Variants in EML2 observed in about 807,000 individuals in gnomAD.
The protein encoded by EML2 is EMAP like 2, also known as echinoderm microtubule-associated protein-like 2.
A neutral mutation model predicts 84.7 loss-of-function variants in EML2; 59 were observed. That is an observed-to-expected ratio of 0.70 (90% CI 0.56 to 0.86). EML2 has a LOEUF of 0.86. EML2 is among the 40% of genes least tolerant of loss of function. EML2 has a pLI of 0.00. For missense variants in EML2, 818 were observed against 855.6 expected (o/e 0.96, Z 0.55); for synonymous variants, 352 against 348.9 (o/e 1.01, Z -0.10).
intron 18 of EML2, among the ~76,000 whole-genome samples, chr19:45,611,901 C>G (rs190210171): frequency 5.3e-5 from 8 of 152,002 alleles, no homozygotes; most frequent in African/African-American, 1.4e-4. Flanking sequence ...TATGACGGAG[C>G]CTTGCTGTCG....
chr19:45,637,470 A>ATTTTTTTTT (rs66503218), intron 3 of EML2, among the ~76,000 whole-genome samples: 1 of 101,656 alleles, frequency 9.8e-6, no homozygotes, highest in African/African-American at 4.0e-5. Context: ...ATTATTTTGG[A>ATTTTTTTTT]TTTTTTTTTT....
chr19:45,615,075 G>C (rs1323231424), intron 16 of EML2: 13 of 196,234 alleles, frequency 6.6e-5, no homozygotes, highest in Admixed American at 3.5e-4. Flanking sequence ...GGTGGCTCAT[G>C]CCTGTAATCC....
In EML2 at chr19:45,624,764, C is replaced by T. The variant is rs754461715; in HGVS notation, c.796G>A (p.Val266Met). The T allele has an allele frequency of 1.1e-5, 18 of 1,613,828 alleles. No individual in the cohort carries two copies. Among genetic ancestry groups the T allele is most frequent in the South Asian group, 3.3e-5 (3 of 91,060 alleles). ...LCVTFLEGGD[V>M]VTGDSGGNLY... The stretch of plus-strand genomic sequence containing the variant: ...TTCCCCCCAGAGTCCCCCGTGACCA[C>T]GTCGCCACCTTCCAAAAAGGTCACA... The change falls in exon 9 of 19, where the codon GTG (valine) becomes ATG (methionine). Residue 266 changes from valine (V) to methionine (M), a missense_variant. Physicochemically the swap from Val to Met is conservative, Grantham distance 21. Coordinates refer to ENST00000245925, the MANE Select transcript of EML2 (RefSeq NM_012155.4).
At chr19:45,612,281 T>C (rs1970575043) in intron 18 of EML2, among the ~76,000 whole-genome samples, 1 of 152,058 alleles carries the variant, frequency 6.6e-6, no homozygotes, top group Non-Finnish European at 1.5e-5. Context: ...GTCAGGCTGG[T>C]CTCAAACTCC....
intron 9 of EML2, among the ~76,000 whole-genome samples, chr19:45,622,728 A>G (rs1971851845): frequency 6.6e-6 from 1 of 152,046 alleles, no homozygotes. Flanking sequence ...ATGGCACCCA[A>G]TCTAATAAAG....
intron 18 of EML2, among the ~76,000 whole-genome samples, chr19:45,611,962 C>T (rs1425184611): frequency 2.6e-5 from 4 of 152,024 alleles, no homozygotes; most frequent in Non-Finnish European, 5.9e-5. Flanking sequence ...GCCTCTGCCT[C>T]CCGGGTTCAG....
At chr19:45,639,512 C>A (rs73570969), upstream of EML2, 2 of 889,900 alleles carry the variant, frequency 2.2e-6, no homozygotes, top group African/African-American at 3.5e-5. Context: ...AGGGTCCCAC[C>A]GGGTCACACA....
rs759926410 is a variant in EML2, at chr19:45,621,240, G to C, written c.1089C>G (p.Gly363=). The change falls in exon 11 of 19, where the codon GGC becomes GGG. Residue 363 remains glycine (G), a synonymous_variant. Coordinates refer to ENST00000245925, the MANE Select transcript of EML2 (RefSeq NM_012155.4). Reference sequence around the variant, plus strand: ...GCAGTGAGAAGCCTGTGTGCACGGAGCCCTGCAGGATGGAATTGCGGGTGG... The same window carrying C: ...GCAGTGAGAAGCCTGTGTGCACGGACCCCTGCAGGATGGAATTGCGGGTGG... ...VGTTRNSILQ[G]SVHTGFSLLV... 6.2e-7 allele frequency: 1 copy of C among 1,614,012 alleles called. No homozygotes were observed. The highest frequency in any genetic ancestry group is 8.5e-7 in the Non-Finnish European group (1 of 1,180,010).
At chr19:45,620,909 G>T (rs566576927) in intron 11 of EML2, 1 of 486,812 alleles carries the variant, frequency 2.1e-6, no homozygotes, top group East Asian at 4.9e-5. Flanking sequence ...TGTGGCCAGG[G>T]TGTCTGCAGC....
chr19:45,616,042 G>A (rs1285938676), intron 15 of EML2, 153 bp from the exon 16 acceptor site: 7 of 654,030 alleles, frequency 1.1e-5, no homozygotes, highest in African/African-American at 5.4e-5. Flanking sequence ...TTGGAGTATG[G>A]GGGCAGGGCC....
At chr19:45,624,857 T>C in intron 8 of EML2, 39 bp from the exon 9 acceptor site, 1 of 1,478,796 alleles carries the variant, frequency 6.8e-7, no homozygotes, top group Non-Finnish European at 9.3e-7. Flanking sequence ...AGAGCGTCAC[T>C]GAAGCAGGTA....
chr19:45,621,766 A>G, intron 9 of EML2, 129 bp from the exon 10 acceptor site: 1 of 964,350 alleles, frequency 1.0e-6, no homozygotes, highest in Admixed American at 2.8e-5. Context: ...TTTTTTTTTG[A>G]GACGGAGTCT....
intron 17 of EML2, among the ~76,000 whole-genome samples, chr19:45,614,016 C>T (rs961245600): frequency 2.6e-5 from 4 of 152,198 alleles, no homozygotes; most frequent in South Asian, 2.1e-4. Context: ...TTCTGTGTCA[C>T]GCGTGGGCTT....
At chr19:45,629,622 C>A (rs78639147) in intron 7 of EML2, among the ~76,000 whole-genome samples, 2 of 147,398 alleles carry the variant, frequency 1.4e-5, no homozygotes, top group Admixed American at 6.7e-5. Flanking sequence ...CCGTGCCCGG[C>A]CTTTTTTTTT....
chr19:45,638,846 C>G lies in EML2; in HGVS notation c.48G>C (p.Val16=). 1 of 1,613,792 alleles carries G rather than the reference C, an allele frequency of 6.2e-7. No individual in the cohort carries two copies. The highest frequency in any genetic ancestry group is 1.3e-5 in the African/African-American group (1 of 74,954). ...GCCCTTCCCCATCTCCCCACTCACC[C>G]ACACTGAAGATAACTTCTTTGGTTT... ...AGKTKEVIFS[V]EDGSVKMFLR... is the part of the protein sequence containing the mutation. The change falls in exon 2 of 19, where the codon GTG becomes GTC. Residue 16 remains valine (V), a splice_region_variant and synonymous_variant. Coordinates refer to ENST00000245925, the MANE Select transcript of EML2 (RefSeq NM_012155.4).
At chr19:45,618,894 C>A (rs758235546) in intron 12 of EML2, 166 bp downstream of exon 12, 1 of 675,044 alleles carries the variant, frequency 1.5e-6, no homozygotes, top group South Asian at 3.0e-5. Context: ...TTGCAGTGAG[C>A]CGAGATCGTG....
At chr19:45,642,536 C>G, upstream of EML2, 3 of 1,413,492 alleles carry the variant, frequency 2.1e-6, no homozygotes, top group Non-Finnish European at 2.8e-6. Flanking sequence ...GAAATCCCCA[C>G]AGCTCTCCAA....
intron 6 of EML2, 117 bp downstream of exon 6, chr19:45,632,743 CG>C: frequency 2.4e-6 from 2 of 833,892 alleles, no homozygotes; most frequent in East Asian, 2.7e-5. Flanking sequence ...GTCACAGAGG[CG>C]GGCCACGCCT....
At chr19:45,630,624 T>G (rs1051936390) in intron 6 of EML2, among the ~76,000 whole-genome samples, 1 of 151,702 alleles carries the variant, frequency 6.6e-6, no homozygotes, top group African/African-American at 2.4e-5. Flanking sequence ...CACCCTCCAT[T>G]AGAAGCTGTG....
Sources: allele counts gnomAD v4.1 joint callset (sites outside exome capture counted in the v4.1 genomes callset), GRCh38; gene constraint gnomAD v4.1.1; transcripts MANE v1.5; gene names NCBI Gene and HGNC (gene_info 2026-07-23, HGNC 2026-07-21).